Variants in PTPRD observed in about 807,000 individuals in gnomAD.
The protein encoded by PTPRD is receptor-type tyrosine-protein phosphatase delta.
A neutral mutation model predicts 214.5 loss-of-function variants in PTPRD; 34 were observed. The ratio of observed to expected loss-of-function variants is 0.16; its 90% CI spans 0.12 to 0.21. The LOEUF is 0.21. Among genes scored for constraint, PTPRD ranks in the 10% least tolerant of loss-of-function variants. The pLI is 1.00. For missense variants in PTPRD, 2,545 were observed against 2,398.7 expected (o/e 1.06, Z -1.27); for synonymous variants, 1,128 against 845.7 (o/e 1.33, Z -5.79).
intron 5 of PTPRD, among the ~76,000 whole-genome samples, chr9:9,853,552 T>A (rs78993116): frequency 1.3e-5 from 2 of 151,992 alleles, no homozygotes; most frequent in African/African-American, 2.4e-5. Flanking sequence ...TTTTTTGTTG[T>A]TTTTTGGTTT....
intron 44 of PTPRD, among the ~76,000 whole-genome samples, chr9:8,327,168 T>C (rs907302054): frequency 6.6e-6 from 1 of 151,214 alleles, no homozygotes; most frequent in Non-Finnish European, 1.5e-5. Flanking sequence ...GGGCATTTAG[T>C]GCTATAAATT....
chr9:9,208,200 G>A (rs1437589009), intron 9 of PTPRD, among the ~76,000 whole-genome samples: 3 of 151,220 alleles, frequency 2.0e-5, no homozygotes, highest in African/African-American at 4.8e-5. Context: ...AGTTTTAGTC[G>A]AGACGGGGTT....
chr9:9,789,503 A>G (rs1446577423), intron 5 of PTPRD, among the ~76,000 whole-genome samples: 3 of 152,202 alleles, frequency 2.0e-5, no homozygotes, highest in Non-Finnish European at 2.9e-5. Flanking sequence ...TAGGTGATTA[A>G]AACTTTTAAA....
intron 9 of PTPRD, among the ~76,000 whole-genome samples, chr9:9,341,740 A>G (rs781606627): frequency 3.2e-4 from 48 of 152,124 alleles, no homozygotes; most frequent in Non-Finnish European, 1.5e-4. Flanking sequence ...TTGCATTTGC[A>G]TAAGGAAAAT....
intron 35 of PTPRD, among the ~76,000 whole-genome samples, chr9:8,429,467 G>A (rs2094905971): frequency 6.6e-6 from 1 of 151,980 alleles, no homozygotes; most frequent in Admixed American, 6.6e-5. Context: ...TCTCAACACT[G>A]TCTTGATGTA....
intron 7 of PTPRD, among the ~76,000 whole-genome samples, chr9:9,633,415 A>C (rs1267746690): frequency 2.6e-5 from 4 of 152,202 alleles, no homozygotes; most frequent in African/African-American, 9.6e-5. Flanking sequence ...ACCAAATATC[A>C]AAGAATTCAA....
intron 34 of PTPRD, chr9:8,437,252 T>C: frequency 2.0e-6 from 3 of 1,513,388 alleles, no homozygotes; most frequent in East Asian, 2.5e-5. Flanking sequence ...GCAAAGGAAA[T>C]GATGGTGTAA....
intron 7 of PTPRD, among the ~76,000 whole-genome samples, chr9:9,726,235 A>G (rs949293741): frequency 1.3e-5 from 2 of 152,176 alleles, no homozygotes; most frequent in Admixed American, 1.3e-4. Flanking sequence ...AAACTTCACT[A>G]TCGGATATCC....
intron 26 of PTPRD, among the ~76,000 whole-genome samples, chr9:8,494,554 GCCA>G (rs2097218697): frequency 6.6e-6 from 1 of 152,158 alleles, no homozygotes; most frequent in African/African-American, 2.4e-5. Flanking sequence ...CCCCTCACAT[GCCA>G]CTGGAGTACT....
chr9:10,098,959 G>C (rs886375301), intron 3 of PTPRD, among the ~76,000 whole-genome samples: 3 of 151,646 alleles, frequency 2.0e-5, no homozygotes, highest in African/African-American at 7.3e-5. Context: ...GAATTTCATA[G>C]ACAGCAAAAC....
chr9:10,072,818 C>T (rs1013173718), intron 3 of PTPRD, among the ~76,000 whole-genome samples: 2 of 152,090 alleles, frequency 1.3e-5, no homozygotes, highest in African/African-American at 2.4e-5. Flanking sequence ...TCTTATCATA[C>T]GATCCAATTA....
chr9:9,692,941 T>C (rs566724022), intron 7 of PTPRD, among the ~76,000 whole-genome samples: 3 of 152,066 alleles, frequency 2.0e-5, no homozygotes, highest in African/African-American at 7.2e-5. Flanking sequence ...TGTTGGCATA[T>C]AGAAATGATA....
In PTPRD at chr9:8,885,067, T is replaced by G. The variant is rs144453560; in HGVS notation, c.-104+133630A>C. Among the ~76,000 whole-genome samples, 724 of 152,274 alleles carry G rather than the reference T, an allele frequency of 4.8e-3. 3 individuals are homozygous for G. The highest frequency in any genetic ancestry group is 0.016 in the South Asian group (75 of 4,818). ...TATGATAGTGCAAGTGAAGTGCTGA[T>G]TGTGTTGAATAAAATAGAAACAGAC... is the stretch of plus-strand genomic sequence containing the variant. On this transcript the variant is annotated intron_variant, in intron 11 of 45. Transcript: ENST00000381196.
chr9:9,265,357 G>A (rs1365904861), intron 9 of PTPRD, among the ~76,000 whole-genome samples: 1 of 151,556 alleles, frequency 6.6e-6, no homozygotes, highest in Non-Finnish European at 1.5e-5. Flanking sequence ...GAACTCCTGG[G>A]CTGAAGTGAT....
At chr9:9,783,821 T>A (rs1242849243) in intron 5 of PTPRD, among the ~76,000 whole-genome samples, 2 of 9,780 alleles carry the variant, frequency 2.0e-4, no homozygotes, top group South Asian at 6.3e-3. Context: ...CCTGCTTCGT[T>A]TTTTTTTTTT....
chr9:8,728,261 A>C (rs1420441080), intron 12 of PTPRD, among the ~76,000 whole-genome samples: 1 of 152,232 alleles, frequency 6.6e-6, no homozygotes, highest in Non-Finnish European at 1.5e-5. Flanking sequence ...GAAAAAAAAG[A>C]ACATTTTCAT....
intron 11 of PTPRD, among the ~76,000 whole-genome samples, chr9:8,982,594 A>C (rs925528716): frequency 6.6e-6 from 1 of 151,756 alleles, no homozygotes; most frequent in Non-Finnish European, 1.5e-5. Flanking sequence ...GACAGAAAAA[A>C]AAATAAAAAA....
At chr9:9,505,292 C>A (rs887313056) in intron 8 of PTPRD, among the ~76,000 whole-genome samples, 2 of 151,630 alleles carry the variant, frequency 1.3e-5, no homozygotes, top group African/African-American at 4.8e-5. Context: ...TTTTTTAAAT[C>A]CTTCTCTTCT....
intron 10 of PTPRD, among the ~76,000 whole-genome samples, chr9:9,052,126 C>T (rs1590613786): frequency 6.6e-6 from 1 of 152,170 alleles, no homozygotes; most frequent in Non-Finnish European, 1.5e-5. Context: ...CAGCCGCCTT[C>T]CTGGTTCACA....
Sources: allele counts gnomAD v4.1 joint callset (sites outside exome capture counted in the v4.1 genomes callset), GRCh38; gene constraint gnomAD v4.1.1; transcripts MANE v1.5; gene names NCBI Gene and HGNC (gene_info 2026-07-23, HGNC 2026-07-21).